The following BICRAL variants were observed in gnomAD, a reference collection of about 807,000 sequenced individuals.
BICRAL encodes BRD4-interacting chromatin-remodeling complex-associated protein-like.
A neutral mutation model predicts 91.8 loss-of-function variants in BICRAL; 8 were observed. The ratio of observed to expected loss-of-function variants is 0.09; its 90% CI spans 0.05 to 0.16. The LOEUF (loss-of-function observed/expected upper bound fraction) is 0.16, where lower values mean the gene tolerates loss of function less well. Ranked by LOEUF, BICRAL falls within the 10% of genes least tolerant of loss-of-function variation. The probability of loss-of-function intolerance (pLI) is 1.00; values close to 1 mark genes in which losing one functional copy is unlikely to be tolerated. For missense variants in BICRAL, 1,038 were observed against 1,310.9 expected (o/e 0.79, Z 3.21); for synonymous variants, 445 against 491.1 (o/e 0.91, Z 1.24).
intron 6 of BICRAL, among the ~76,000 whole-genome samples, chr6:42,834,503 C>G (rs1202588258): frequency 6.6e-6 from 1 of 152,180 alleles, no homozygotes; most frequent in Non-Finnish European, 1.5e-5. Context: ...TAGAGACTTT[C>G]TAATTCCTTC....
chr6:42,831,623 G>A (rs760542953), intron 6 of BICRAL, among the ~76,000 whole-genome samples: 25 of 152,142 alleles, frequency 1.6e-4, no homozygotes, highest in Middle Eastern at 3.4e-3. Flanking sequence ...TTCTCATCTG[G>A]GAGGACCCAT....
At chr6:42,750,090 C>T (rs961869488) in intron 1 of BICRAL, among the ~76,000 whole-genome samples, 4 of 151,992 alleles carry the variant, frequency 2.6e-5, no homozygotes, top group African/African-American at 9.7e-5. Flanking sequence ...GTCTCGAACT[C>T]CTGACCTCAT....
rs559659076 is a variant in BICRAL, at chr6:42,784,196, C to G, written c.-102+2095C>G. The stretch of plus-strand genomic sequence containing the variant: ...TAAAACAGTTTCTTAGAACTCTAAT[C>G]TGAAAAGTTAAATACGCTTTAAAAC... On this transcript the variant is annotated intron_variant, in intron 1 of 12. Transcript: ENST00000314073. 1.6e-3 allele frequency among the ~76,000 whole-genome samples: 241 copies of G among 152,274 alleles called. 1 individual carries two copies. The highest frequency in any genetic ancestry group is 5.5e-3 in the African/African-American group (227 of 41,544).
At chr6:42,849,370 G>A (rs776513385) in intron 6 of BICRAL, among the ~76,000 whole-genome samples, 1 of 151,876 alleles carries the variant, frequency 6.6e-6, no homozygotes, top group Non-Finnish European at 1.5e-5. Flanking sequence ...ACAGGCATGA[G>A]TCACCACATC....
chr6:42,828,597 A>G lies in BICRAL; in HGVS notation c.264A>G (p.Glu88=), dbSNP rs1764373704. The G allele has an allele frequency of 6.2e-7, 1 of 1,614,002 alleles. No individual in the cohort carries two copies. Among genetic ancestry groups the G allele is most frequent in the African/African-American group, 1.3e-5 (1 of 74,980 alleles). Residue 88 remains glutamate, a synonymous_variant, in exon 6 of 13, where the codon GAA becomes GAG. Coordinates refer to ENST00000314073, the MANE Select transcript of BICRAL (RefSeq NM_001393499.1). ...LSSSLQFLED[E]LESSPLPDLT... Reference sequence around the variant, plus strand: ...GTAGCCTCCAGTTTCTTGAAGATGAACTCGAGTCTTCTCCTCTTCCTGATC... The same window carrying G: ...GTAGCCTCCAGTTTCTTGAAGATGAGCTCGAGTCTTCTCCTCTTCCTGATC...
At chr6:42,765,606 A>G (rs1762619668) in intron 1 of BICRAL, among the ~76,000 whole-genome samples, 1 of 152,224 alleles carries the variant, frequency 6.6e-6, no homozygotes, top group African/African-American at 2.4e-5. Flanking sequence ...GATGAAGTGA[A>G]AGGTGAAGCT....
intron 2 of BICRAL, among the ~76,000 whole-genome samples, chr6:42,819,299 T>G (rs1218437894): frequency 6.6e-5 from 10 of 152,186 alleles, no homozygotes; most frequent in African/African-American, 2.4e-4. Context: ...TTAATTTTAT[T>G]TTTTGAGACA....
rs764934191 is a variant in BICRAL at position 42,865,476 on chromosome 6, G to T, written c.*30G>T. ...AGCAGTCCTCCCCCTACCCCGCCCC[G>T]AGACCCCACCCCGAGACCCCACCCC... On this transcript the variant is annotated 3_prime_UTR_variant, in exon 13 of 13. Transcript: ENST00000314073. 1 of 1,023,900 alleles carries T rather than the reference G, an allele frequency of 9.8e-7. No homozygotes were observed. Among genetic ancestry groups the T allele is most frequent in the Non-Finnish European group, 1.3e-6 (1 of 755,168 alleles). The allele number at this position is 1,023,900 out of a possible 1,614,324, so 63.4% of individuals were successfully genotyped here. A position where few individuals can be genotyped will look rare whatever the true frequency, so the allele number is the denominator to read the frequency against.
intron 2 of BICRAL, among the ~76,000 whole-genome samples, chr6:42,817,148 A>ATGTGTGTG (rs35347910): frequency 1.3e-4 from 20 of 148,304 alleles, no homozygotes. Context: ...CATCATTTAT[A>ATGTGTGTG]TGTGTGTGTG....
In BICRAL at chr6:42,822,915, T is replaced by C; in HGVS notation, c.91-20T>C. Reference sequence around the variant, plus strand: ...TTACAGTTAAAGTAGTAACCACCTATTGAATTTGTATCTTTGCAGAGCAAT... The same window carrying C: ...TTACAGTTAAAGTAGTAACCACCTACTGAATTTGTATCTTTGCAGAGCAAT... On this transcript the variant is annotated intron_variant, in intron 4 of 12. Transcript: ENST00000314073. 1 of 1,576,956 alleles carries C rather than the reference T, an allele frequency of 6.3e-7. No homozygotes were observed.
At chr6:42,847,204 C>G (rs1044764933) in intron 6 of BICRAL, among the ~76,000 whole-genome samples, 7 of 151,948 alleles carry the variant, frequency 4.6e-5, no homozygotes, top group African/African-American at 1.7e-4. Context: ...GAGCTAAGAT[C>G]GTGCCACTAC....
chr6:42,749,711 CAACT>C (rs1762347067), intron 1 of BICRAL, among the ~76,000 whole-genome samples: 1 of 151,964 alleles, frequency 6.6e-6, no homozygotes, highest in Admixed American at 6.6e-5. Context: ...AAACAGTTAC[CAACT>C]GAGAATCTTG....
chr6:42,751,657 T>TC (rs1363816335), intron 1 of BICRAL, among the ~76,000 whole-genome samples: 5 of 145,634 alleles, frequency 3.4e-5, no homozygotes, highest in East Asian at 2.0e-4. Context: ...TTCTTTTCTT[T>TC]TTTTTTTTTT....
At chr6:42,849,756 C>T (rs1045561033) in intron 6 of BICRAL, among the ~76,000 whole-genome samples, 1 of 149,842 alleles carries the variant, frequency 6.7e-6, no homozygotes, top group Non-Finnish European at 1.5e-5. Context: ...GAAATGTTAA[C>T]ATAAGTTTAG....
At chr6:42,831,933 T>A in intron 6 of BICRAL, among the ~76,000 whole-genome samples, 1 of 149,888 alleles carries the variant, frequency 6.7e-6, no homozygotes, top group Admixed American at 6.7e-5. Flanking sequence ...TAGGCAGGGT[T>A]TCACCATGTC....
chr6:42,852,679 A>C (rs922783762), intron 7 of BICRAL, among the ~76,000 whole-genome samples: 2 of 150,932 alleles, frequency 1.3e-5, no homozygotes, highest in Non-Finnish European at 3.0e-5. Context: ...AAAAAAAAAA[A>C]CCCCACTAAG....
At position 42,843,384 on chromosome 6, in the gene BICRAL, G is replaced by T. The variant is rs1220590275; in HGVS notation, c.1840-8708G>T. On this transcript the variant is annotated intron_variant, in intron 6 of 12. Coordinates refer to ENST00000314073, the MANE Select transcript of BICRAL (RefSeq NM_001393499.1). ...TGTGGGGAAAGGAAAACACGTTTAG[G>T]TGAGGCGAGTAGGGTGTTAGGTGGG... 5.9e-5 allele frequency among the ~76,000 whole-genome samples: 9 copies of T among 152,156 alleles called. 1 individual carries two copies. Among genetic ancestry groups the T allele is most frequent in the African/African-American group, 2.2e-4 (9 of 41,446 alleles).
At chr6:42,753,726 C>G (rs975514230) in intron 1 of BICRAL, among the ~76,000 whole-genome samples, 3 of 152,294 alleles carry the variant, frequency 2.0e-5, no homozygotes, top group African/African-American at 7.2e-5. Flanking sequence ...ATTCTCCTTC[C>G]TCAGCCTCCT....
At chr6:42,789,246 A>C (rs969854082) in intron 1 of BICRAL, among the ~76,000 whole-genome samples, 3 of 152,232 alleles carry the variant, frequency 2.0e-5, no homozygotes, top group African/African-American at 7.2e-5. Flanking sequence ...AAACACTTTT[A>C]AATATTTAAA....
Sources: allele counts gnomAD v4.1 joint callset (sites outside exome capture counted in the v4.1 genomes callset), GRCh38; gene constraint gnomAD v4.1.1; transcripts MANE v1.5; gene names NCBI Gene and HGNC (gene_info 2026-07-23, HGNC 2026-07-21).